The following HNF1A variants were observed in gnomAD, a reference collection of about 807,000 sequenced individuals.
The protein encoded by HNF1A is HNF1 homeobox A.
A neutral mutation model predicts 62.2 loss-of-function variants in HNF1A; 21 were observed. The observed-to-expected ratio is 0.34, with a 90% CI of 0.24 to 0.49. HNF1A has a LOEUF of 0.49. HNF1A is among the 20% of genes least tolerant of loss of function. HNF1A has a pLI of 0.99. For missense variants in HNF1A, 687 were observed against 832.3 expected (o/e 0.83, Z 2.15); for synonymous variants, 374 against 366.8 (o/e 1.02, Z -0.22).
chr12:120,981,474 G>A (rs867947076), intron 1 of HNF1A, among the ~76,000 whole-genome samples: 16 of 152,170 alleles, frequency 1.1e-4, no homozygotes, highest in African/African-American at 2.4e-4. Flanking sequence ...CCTTGGTTTC[G>A]TTCCCCTCCC....
chr12:120,981,656 C>G (rs542253017), intron 1 of HNF1A, among the ~76,000 whole-genome samples: 1 of 152,200 alleles, frequency 6.6e-6, no homozygotes, highest in Non-Finnish European at 1.5e-5. Context: ...TTCCCATGGC[C>G]GATTCCTTCT....
intron 9 of HNF1A, chr12:121,000,766 A>G: frequency 4.4e-6 from 2 of 452,926 alleles, no homozygotes; most frequent in Non-Finnish European, 8.3e-6. Context: ...CGCCTAGATT[A>G]GTGTTTGACT....
intron 9 of HNF1A, 35 bp from the exon 10 acceptor site, chr12:121,001,030 T>C (rs1428719291): frequency 1.9e-6 from 3 of 1,611,160 alleles, no homozygotes; most frequent in East Asian, 2.2e-5. Flanking sequence ...TGTGGGTGCC[T>C]GGTGGGTGGC....
chr12:120,999,194 C>T, intron 7 of HNF1A, 74 bp from the exon 8 acceptor site: 1 of 1,573,462 alleles, frequency 6.4e-7, no homozygotes, highest in Non-Finnish European at 8.7e-7. Flanking sequence ...GCCCCCCTTT[C>T]CCCAGTCTTG....
rs765225559 is a variant in HNF1A, at chr12:120,996,546, A to C, written c.1113A>C (p.Ser371=). 7 of 1,613,552 alleles carry C rather than the reference A, an allele frequency of 4.3e-6. No individual in the cohort carries two copies. In the South Asian group the frequency reaches 7.7e-5, roughly 18 times the overall value. The change falls in exon 6 of 10, where the codon TCA becomes TCC. Residue 371 remains serine (S), a synonymous_variant. Transcript: ENST00000257555. The surrounding 1 kb of genome is among the most constrained non-coding windows in gnomAD (Gnocchi z 4.5). The stretch of plus-strand genomic sequence containing the variant: ...AGCTTGGCTTCCCCTCGTAGGTCTC[A>C]GCAGCTGGGGGCCCCCTCCCCCCTG... ...SLLSTEAKLV[S]AAGGPLPPVS... is the part of the protein sequence containing the mutation.
Position 121,001,077 on chromosome 12 carries a change from G to T in HNF1A, c.1781G>T (p.Ser594Ile), listed in dbSNP as rs2135854451. The change falls in exon 10 of 10, where the codon AGC (serine) becomes ATC (isoleucine). Residue 594 changes from serine (S) to isoleucine (I), a missense_variant. Coordinates refer to ENST00000257555, the MANE Select transcript of HNF1A (RefSeq NM_000545.8). The part of the protein sequence containing the change: ...LSASPTVSSS[S>I]LVLYQSSDSS... ...TTTGCCTCTGCAGTGTCCTCCAGCA[G>T]CCTGGTGCTGTACCAGAGCTCAGAC... 6.2e-7 allele frequency: 1 copy of T among 1,613,526 alleles called. No individual in the cohort carries two copies. The highest frequency in any genetic ancestry group is 8.5e-7 in the Non-Finnish European group (1 of 1,179,872).
chr12:120,985,541 A>C (rs1027800422), intron 1 of HNF1A, among the ~76,000 whole-genome samples: 6 of 150,838 alleles, frequency 4.0e-5, no homozygotes, highest in Non-Finnish European at 7.4e-5. Flanking sequence ...GCATGTTGGC[A>C]TGTGCCTGTG....
chr12:120,997,737 G>A (rs1366497950), intron 7 of HNF1A, 72 bp downstream of exon 7: 4 of 1,480,588 alleles, frequency 2.7e-6, no homozygotes, highest in Non-Finnish European at 2.8e-6. Flanking sequence ...AGGGGAAAGG[G>A]GTGCCTGGCA....
At chr12:120,979,285 C>T (rs1593047054) in intron 1 of HNF1A, among the ~76,000 whole-genome samples, 191 bp downstream of exon 1, 1 of 152,340 alleles carries the variant, frequency 6.6e-6, no homozygotes, top group East Asian at 1.9e-4. Flanking sequence ...CCCTGAACTG[C>T]TCCTCTGCAG....
chr12:120,999,063 C>T (rs900167814), intron 7 of HNF1A, among the ~76,000 whole-genome samples: 11 of 152,196 alleles, frequency 7.2e-5, no homozygotes, highest in African/African-American at 2.4e-4. Flanking sequence ...CTGCATCAAG[C>T]GCAGCTGAGC....
intron 2 of HNF1A, 118 bp from the exon 3 acceptor site, chr12:120,993,402 G>A (rs189660054): frequency 1.0e-6 from 1 of 964,894 alleles, no homozygotes; most frequent in Non-Finnish European, 1.6e-6. Context: ...AGTTCTAGCT[G>A]TAAGCTCCTC....
chr12:120,994,524 G>A, intron 4 of HNF1A, 119 bp downstream of exon 4: 1 of 1,138,090 alleles, frequency 8.8e-7, no homozygotes, highest in Non-Finnish European at 1.2e-6. Flanking sequence ...TTCCATTCAT[G>A]CCACTCCTTA....
chr12:120,980,756 A>T (rs1876210737), intron 1 of HNF1A: 1 of 152,128 alleles, frequency 6.6e-6, no homozygotes, highest in Non-Finnish European at 1.5e-5. Context: ...CTTCCTAGGG[A>T]CCAGCAGAGA....
chr12:120,999,728 C>G lies in HNF1A; in HGVS notation c.1768+101C>G. 4 of 1,433,420 alleles carry G rather than the reference C, an allele frequency of 2.8e-6. No homozygotes were observed. The South Asian group carries it at 5.4e-5, about 19-fold the overall frequency. The allele number at this position is 1,433,420 out of a possible 1,614,324, so 88.8% of individuals were successfully genotyped here. On this transcript the variant is annotated intron_variant, in intron 9 of 9. Coordinates refer to ENST00000257555, the MANE Select transcript of HNF1A (RefSeq NM_000545.8). ...GTCCGTCACTGTGGGGCTGTGCATGCAGCAGGCCTAGGGCTGCTGTGAGGA... is the reference window on the plus strand; with the variant it reads ...GTCCGTCACTGTGGGGCTGTGCATGGAGCAGGCCTAGGGCTGCTGTGAGGA...
rs1876988226 is a variant in HNF1A, at chr12:120,994,412, G to A, written c.955+7G>A. On this transcript the variant is annotated splice_region_variant and intron_variant, in intron 4 of 9. Transcript: ENST00000257555. Reference sequence around the variant, plus strand: ...TCCCCCAGTAAGGTCCACGGTAAGTGGTATGTGGGGACAAGGGACACGTGG... The same window carrying A: ...TCCCCCAGTAAGGTCCACGGTAAGTAGTATGTGGGGACAAGGGACACGTGG... 1 of 1,584,318 alleles carries A rather than the reference G, an allele frequency of 6.3e-7. No homozygotes were observed. The highest frequency in any genetic ancestry group is 1.3e-5 in the African/African-American group (1 of 74,732).
In HNF1A at chr12:121,001,589, A is replaced by G; in HGVS notation, c.*397A>G. On this transcript the variant is annotated 3_prime_UTR_variant, in exon 10 of 10. Transcript: ENST00000257555. ...CTGGCAGCCACACTTCTCAGGACAC[A>G]GGCCTGTGTAGCTGTGACCTGCTGA... 1 of 440,206 alleles carries G rather than the reference A, an allele frequency of 2.3e-6. No homozygotes were observed. The highest frequency in any genetic ancestry group is 4.3e-6 in the Non-Finnish European group (1 of 231,280). 27.3% of individuals were successfully genotyped at this position (440,206 alleles called of 1,614,324 possible). A position where few individuals can be genotyped will look rare whatever the true frequency, so the allele number is the denominator to read the frequency against.
rs1876074951 is a variant in HNF1A, at chr12:120,978,719, G to A, written c.-50G>A. Reference sequence around the variant, plus strand: ...CAAACGCAACCCACGCGGTGGGGGAGGCGGCTAGCGTGGTGGACCCGGGCC... The same window carrying A: ...CAAACGCAACCCACGCGGTGGGGGAAGCGGCTAGCGTGGTGGACCCGGGCC... On this transcript the variant is annotated 5_prime_UTR_variant, in exon 1 of 10. Coordinates refer to ENST00000257555, the MANE Select transcript of HNF1A (RefSeq NM_000545.8). 1 of 1,562,720 alleles carries A rather than the reference G, an allele frequency of 6.4e-7. No individual in the cohort carries two copies. Among genetic ancestry groups the A allele is most frequent in the Non-Finnish European group, 8.8e-7 (1 of 1,135,656 alleles).
At chr12:120,987,192 C>T (rs1019160643) in intron 1 of HNF1A, among the ~76,000 whole-genome samples, 4 of 151,964 alleles carry the variant, frequency 2.6e-5, no homozygotes, top group Non-Finnish European at 4.4e-5. Flanking sequence ...AAACCAGCCG[C>T]GGCCGGGCGC....
intron 2 of HNF1A, among the ~76,000 whole-genome samples, chr12:120,991,910 A>T (rs543411531): frequency 6.6e-6 from 1 of 152,374 alleles, no homozygotes; most frequent in Non-Finnish European, 1.5e-5. Flanking sequence ...GCATTAAAAA[A>T]TTTCTAACAG....
Sources: allele counts gnomAD v4.1 joint callset (sites outside exome capture counted in the v4.1 genomes callset), GRCh38; gene constraint gnomAD v4.1.1; non-coding constraint Gnocchi (gnomAD v3.1); transcripts MANE v1.5; gene names NCBI Gene and HGNC (gene_info 2026-07-23, HGNC 2026-07-21).